The following GSK3B variants were observed in gnomAD, a reference collection of about 807,000 sequenced individuals.
The protein encoded by GSK3B is glycogen synthase kinase-3 beta.
GSK3B carries 15 observed loss-of-function variants against 56.4 expected under a neutral mutation model. The observed-to-expected ratio is 0.27, with a 90% CI of 0.18 to 0.41. The LOEUF (loss-of-function observed/expected upper bound fraction) is 0.41, where lower values mean the gene tolerates loss of function less well. GSK3B is among the 10% of genes least tolerant of loss of function. The pLI is 1.00. For missense variants in GSK3B, 300 were observed against 513.4 expected, an observed-to-expected ratio of 0.58 and a Z score of 4.02; for synonymous variants, 181 against 188.9, an observed-to-expected ratio of 0.96 and a Z score of 0.34.
At chr3:119,844,083 T>C (rs997072399) in intron 9 of GSK3B, among the ~76,000 whole-genome samples, 2 of 152,032 alleles carry the variant, frequency 1.3e-5, no homozygotes, top group African/African-American at 4.8e-5. Flanking sequence ...ACTGGGTAAA[T>C]AACGAAATTA....
chr3:119,868,748 A>C (rs575613264), intron 8 of GSK3B, among the ~76,000 whole-genome samples: 2 of 152,310 alleles, frequency 1.3e-5, no homozygotes, highest in South Asian at 4.1e-4. Flanking sequence ...TAAATGTACA[A>C]CACTCATCCT....
At chr3:119,832,254 C>G (rs1450971695) in intron 10 of GSK3B, among the ~76,000 whole-genome samples, 1 of 152,200 alleles carries the variant, frequency 6.6e-6, no homozygotes, top group African/African-American at 2.4e-5. Flanking sequence ...ATACAGGCAG[C>G]ACATATTTGA....
chr3:119,940,323 T>G (rs1353572334), intron 3 of GSK3B, among the ~76,000 whole-genome samples: 1 of 152,074 alleles, frequency 6.6e-6, no homozygotes, highest in East Asian at 1.9e-4. Context: ...ATACTCAAAT[T>G]GATTCTTTAT....
chr3:119,848,911 C>G (rs1051766380), intron 9 of GSK3B, among the ~76,000 whole-genome samples: 1 of 152,124 alleles, frequency 6.6e-6, no homozygotes, highest in Non-Finnish European at 1.5e-5. Context: ...GTTGAAGATA[C>G]TGCCCTAATT....
At chr3:119,900,979 A>C (rs1359457171) in intron 7 of GSK3B, among the ~76,000 whole-genome samples, 1 of 152,126 alleles carries the variant, frequency 6.6e-6, no homozygotes, top group African/African-American at 2.4e-5. Context: ...AAGACTATGT[A>C]GTTATAAAAA....
chr3:120,015,389 G>A (rs1324902282), intron 1 of GSK3B, among the ~76,000 whole-genome samples: 3 of 152,066 alleles, frequency 2.0e-5, no homozygotes, highest in East Asian at 3.9e-4. Context: ...AGTGGCTCAC[G>A]CCTGTAATCC....
intron 1 of GSK3B, among the ~76,000 whole-genome samples, chr3:120,079,341 CACA>C (rs2058395852): frequency 7.4e-6 from 1 of 134,696 alleles, no homozygotes; most frequent in Admixed American, 7.3e-5. Context: ...CACACACACA[CACA>C]CACACATTTT....
At chr3:119,963,625 C>CAAAAAAAAAAAAAAAAAAAAAAAAAAAA (rs774359104) in intron 2 of GSK3B, among the ~76,000 whole-genome samples, 3 of 79,182 alleles carry the variant, frequency 3.8e-5, no homozygotes, top group African/African-American at 8.7e-5. Context: ...TTCTTCCCCA[C>CAAAAAAAAAAAAAAAAAAAAAAAAAAAA]AAAAAAAAAA....
rs1261630027 is a variant in GSK3B, at chr3:119,821,412, A to G, written c.*5376T>C. The stretch of plus-strand genomic sequence containing the variant: ...CCTGACAGAGTGAGCCAGCCCTAAA[A>G]AAATGATGTTTCTTTTTGCACTAAG... On this transcript the variant is annotated 3_prime_UTR_variant, in exon 11 of 11. Coordinates refer to ENST00000264235, the MANE Select transcript of GSK3B (RefSeq NM_001146156.2). 1 of 152,250 alleles carries G rather than the reference A, an allele frequency of 6.6e-6. No individual in the cohort carries two copies. Among genetic ancestry groups the G allele is most frequent in the Non-Finnish European group, 1.5e-5 (1 of 68,034 alleles). The allele number at this position is 152,250 out of a possible 1,614,324, so 9.4% of individuals were successfully genotyped here.
intron 8 of GSK3B, among the ~76,000 whole-genome samples, chr3:119,875,301 GAGAA>G (rs988156039): frequency 1.3e-5 from 2 of 151,984 alleles, no homozygotes; most frequent in Non-Finnish European, 2.9e-5. Flanking sequence ...GAGAGAGAGA[GAGAA>G]AGAAACATAC....
intron 10 of GSK3B, among the ~76,000 whole-genome samples, chr3:119,833,722 G>A (rs1028913190): frequency 1.3e-4 from 18 of 139,746 alleles, no homozygotes; most frequent in Non-Finnish European, 2.0e-4. Flanking sequence ...TTTAGACAGG[G>A]TCTCACTCTG....
At chr3:119,878,942 A>G (rs1158431127) in intron 7 of GSK3B, among the ~76,000 whole-genome samples, 1 of 152,202 alleles carries the variant, frequency 6.6e-6, no homozygotes, top group Non-Finnish European at 1.5e-5. Flanking sequence ...GACACTAGGA[A>G]ACTACTGGGA....
intron 9 of GSK3B, among the ~76,000 whole-genome samples, chr3:119,850,579 G>GT (rs146518809): frequency 1.8e-4 from 27 of 151,210 alleles, no homozygotes; most frequent in South Asian, 6.3e-4. Flanking sequence ...AGTTCAAAAT[G>GT]TTTTTTTTTA....
intron 1 of GSK3B, among the ~76,000 whole-genome samples, chr3:120,081,604 G>C (rs1443434783): frequency 6.6e-6 from 1 of 152,098 alleles, no homozygotes; most frequent in African/African-American, 2.4e-5. Context: ...AAACTTAAAT[G>C]TTCCTAGAAA....
At chr3:119,921,612 G>A (rs1363672235) in intron 4 of GSK3B, among the ~76,000 whole-genome samples, 1 of 152,058 alleles carries the variant, frequency 6.6e-6, no homozygotes, top group Non-Finnish European at 1.5e-5. Context: ...AAATGATCCG[G>A]TTTCTTTAGC....
intron 1 of GSK3B, among the ~76,000 whole-genome samples, chr3:120,052,270 GTC>G (rs764909905): frequency 3.2e-4 from 49 of 152,322 alleles, no homozygotes; most frequent in South Asian, 2.3e-3. Context: ...GTTGTCAAAT[GTC>G]TTAGATAATT....
At chr3:120,092,636 T>C (rs995078238) in intron 1 of GSK3B, among the ~76,000 whole-genome samples, 1 of 152,234 alleles carries the variant, frequency 6.6e-6, no homozygotes, top group Non-Finnish European at 1.5e-5. Flanking sequence ...AGGTTGGTAA[T>C]GTCAAAACAG....
chr3:119,944,567 T>C (rs1484079297), intron 3 of GSK3B, among the ~76,000 whole-genome samples: 2 of 152,098 alleles, frequency 1.3e-5, no homozygotes, highest in African/African-American at 4.8e-5. Context: ...AACCGCTGAT[T>C]TTTCACTGTC....
intron 1 of GSK3B, among the ~76,000 whole-genome samples, chr3:120,075,422 A>G (rs925720793): frequency 3.9e-5 from 6 of 152,212 alleles, no homozygotes; most frequent in African/African-American, 1.4e-4. Flanking sequence ...AAAGGAAAAA[A>G]AAAGTTAACC....
Sources: allele counts gnomAD v4.1 joint callset (sites outside exome capture counted in the v4.1 genomes callset), GRCh38; gene constraint gnomAD v4.1.1; transcripts MANE v1.5; gene names NCBI Gene and HGNC (gene_info 2026-07-23, HGNC 2026-07-21).